The following WASL variants were observed in gnomAD, a reference collection of about 807,000 sequenced individuals.
WASL encodes actin nucleation-promoting factor WASL.
Under a neutral mutation model 55.5 loss-of-function variants are expected in WASL, and 20 were observed. The ratio of observed to expected loss-of-function variants is 0.36; its 90% confidence interval spans 0.25 to 0.52. WASL has a LOEUF of 0.52. Ranked by LOEUF, WASL falls within the 20% of genes least tolerant of loss-of-function variation. WASL has a pLI of 0.92. For missense variants in WASL, 504 were observed against 622.5 expected (o/e 0.81, Z 2.03); for synonymous variants, 249 against 217.6 (o/e 1.14, Z -1.27).
intron 7 of WASL, among the ~76,000 whole-genome samples, chr7:123,695,383 T>TA (rs1336643351): frequency 6.6e-6 from 1 of 152,140 alleles, no homozygotes; most frequent in Non-Finnish European, 1.5e-5. Context: ...AAACGCTGAT[T>TA]AATTTTTGCC....
intron 2 of WASL, among the ~76,000 whole-genome samples, chr7:123,708,389 G>A (rs1472711856): frequency 6.6e-6 from 1 of 152,060 alleles, no homozygotes; most frequent in East Asian, 1.9e-4. Flanking sequence ...TTAGTTTTTT[G>A]TAATTAAAAT....
At chr7:123,699,642 T>C (rs1352313468) in intron 5 of WASL, among the ~76,000 whole-genome samples, 2 of 152,180 alleles carry the variant, frequency 1.3e-5, no homozygotes, top group Non-Finnish European at 2.9e-5. Context: ...AATCAGCTTC[T>C]TATAACCTTG....
intron 2 of WASL, among the ~76,000 whole-genome samples, chr7:123,707,112 G>T (rs1015290679): frequency 6.6e-6 from 1 of 151,992 alleles, no homozygotes; most frequent in African/African-American, 2.4e-5. Flanking sequence ...TCAGCTACTT[G>T]GTCAAATACA....
intron 9 of WASL, among the ~76,000 whole-genome samples, chr7:123,691,998 C>A (rs2116769027): frequency 6.6e-6 from 1 of 152,194 alleles, no homozygotes; most frequent in South Asian, 2.1e-4. Flanking sequence ...CTGTAAAATT[C>A]CATTCACATG....
intron 1 of WASL, among the ~76,000 whole-genome samples, chr7:123,724,916 G>A (rs1232109647): frequency 6.6e-6 from 1 of 152,088 alleles, no homozygotes; most frequent in Non-Finnish European, 1.5e-5. Context: ...CCCAATAGAA[G>A]GAAGTGGTGA....
chr7:123,699,992 C>T (rs1250223475), intron 5 of WASL, among the ~76,000 whole-genome samples: 2 of 151,574 alleles, frequency 1.3e-5, no homozygotes, highest in Admixed American at 6.6e-5. Context: ...CTGGCTAACA[C>T]GGTGAAACCC....
chr7:123,727,135 A>G (rs1289701301), intron 1 of WASL, among the ~76,000 whole-genome samples: 1 of 152,128 alleles, frequency 6.6e-6, no homozygotes, highest in East Asian at 1.9e-4. Context: ...CTGAGATGCC[A>G]TTTCATATCC....
Position 123,704,642 on chromosome 7 carries a change from G to A in WASL, c.452C>T (p.Pro151Leu), listed in dbSNP as rs373888010. 12 of 1,504,728 alleles carry A rather than the reference G, an allele frequency of 8.0e-6. No individual in the cohort carries two copies. The African/African-American group carries it at 8.4e-5, about 11-fold the overall frequency. The allele number at this position is 1,504,728 out of a possible 1,614,324, so 93.2% of individuals were successfully genotyped here. A position where few individuals can be genotyped will look rare whatever the true frequency, so the allele number is the denominator to read the frequency against. Residue 151 changes from proline (P) to leucine (L), a missense_variant, in exon 5 of 11, where the codon CCC becomes CTC. Coordinates refer to ENST00000223023, the MANE Select transcript of WASL (RefSeq NM_003941.4). ...RQRKSEKRRDPPNGPNLPMAT... is the reference protein window; with the variant it reads ...RQRKSEKRRDLPNGPNLPMAT... ...ATTGTCAAAAAGCTTACCATTTGGG[G>A]GATCTCGTCTTTTCTCTGTTAGAAA...
chr7:123,744,797 T>C (rs1209204694), intron 1 of WASL, among the ~76,000 whole-genome samples: 1 of 152,186 alleles, frequency 6.6e-6, no homozygotes, highest in African/African-American at 2.4e-5. Flanking sequence ...TCACACTACA[T>C]GAAAGGCAAC....
rs978091510 is a variant in WASL at position 123,694,625 on chromosome 7, G to T, written c.826+90C>A. ...GACTTCAACATTCTGCTCAAGGAAGGGTTCACATGTATGAATGTTAACTGG... is the reference window on the plus strand; with the variant it reads ...GACTTCAACATTCTGCTCAAGGAAGTGTTCACATGTATGAATGTTAACTGG... On this transcript the variant is annotated intron_variant, in intron 8 of 10. Coordinates refer to ENST00000223023, the MANE Select transcript of WASL (RefSeq NM_003941.4). 8 of 1,338,116 alleles carry T rather than the reference G, an allele frequency of 6.0e-6. No homozygotes were observed. In the African/African-American group the frequency reaches 1.2e-4, roughly 21 times the overall value. 82.9% of individuals were successfully genotyped at this position (1,338,116 alleles called of 1,614,324 possible). A position where few individuals can be genotyped will look rare whatever the true frequency, so the allele number is the denominator to read the frequency against.
In WASL at chr7:123,683,801, C is replaced by T. The variant is rs1435961849; in HGVS notation, c.*718G>A. On this transcript the variant is annotated 3_prime_UTR_variant, in exon 11 of 11. Transcript: ENST00000223023. ...AAAAATTTTGCTAAAAAGAGCCTGT[C>T]ACATTTGCTACAGCATAAAAATAAC... The T allele has an allele frequency of 6.6e-6, 1 of 151,934 alleles. No homozygotes were observed. The highest frequency in any genetic ancestry group is 6.6e-5 in the Admixed American group (1 of 15,230). The allele number at this position is 151,934 out of a possible 1,614,324, so 9.4% of individuals were successfully genotyped here. A position where few individuals can be genotyped will look rare whatever the true frequency, so the allele number is the denominator to read the frequency against.
intron 1 of WASL, among the ~76,000 whole-genome samples, chr7:123,747,187 G>C (rs1442233113): frequency 6.6e-6 from 1 of 152,182 alleles, no homozygotes; most frequent in African/African-American, 2.4e-5. Flanking sequence ...GGTGTGAGGA[G>C]TCCTGGTTTT....
intron 1 of WASL, among the ~76,000 whole-genome samples, chr7:123,726,657 G>A (rs1804044259): frequency 6.6e-6 from 1 of 152,152 alleles, no homozygotes; most frequent in African/African-American, 2.4e-5. Context: ...TTGAGGTCAG[G>A]AGTTCAAGAC....
chr7:123,723,592 C>T (rs968456221), intron 1 of WASL, among the ~76,000 whole-genome samples: 2 of 152,136 alleles, frequency 1.3e-5, no homozygotes, highest in South Asian at 2.1e-4. Context: ...AGACTCATTG[C>T]CTCTCTCCAG....
chr7:123,683,485 A>G lies in WASL; in HGVS notation c.*1034T>C, dbSNP rs1474746349. The G allele has an allele frequency of 6.6e-6, 1 of 152,014 alleles. No individual in the cohort carries two copies. The highest frequency in any genetic ancestry group is 1.5e-5 in the Non-Finnish European group (1 of 67,936). The allele number at this position is 152,014 out of a possible 1,614,324, so 9.4% of individuals were successfully genotyped here. ...CACATGCTATTTGACAAAAACCCTC[A>G]AAAGTTATCCAAATCAATGCATGTT... On this transcript the variant is annotated 3_prime_UTR_variant, in exon 11 of 11. Transcript: ENST00000223023.
intron 1 of WASL, among the ~76,000 whole-genome samples, chr7:123,736,913 T>C (rs771219630): frequency 4.4e-4 from 67 of 151,988 alleles, no homozygotes; most frequent in Non-Finnish European, 7.6e-4. Flanking sequence ...AGCCAGAAAA[T>C]ATTGAAGAGT....
chr7:123,690,018 A>G (rs1803373323), intron 9 of WASL, among the ~76,000 whole-genome samples: 1 of 152,198 alleles, frequency 6.6e-6, no homozygotes, highest in African/African-American at 2.4e-5. Flanking sequence ...CCTAAGATAT[A>G]GATTCATTCC....
intron 1 of WASL, among the ~76,000 whole-genome samples, chr7:123,721,893 CTATT>C (rs1231535059): frequency 3.4e-5 from 5 of 145,068 alleles, no homozygotes; most frequent in Admixed American, 2.8e-4. Flanking sequence ...TAAATGTTCT[CTATT>C]TTTTAGAATG....
chr7:123,696,198 A>G (rs1383999511), intron 6 of WASL, among the ~76,000 whole-genome samples: 1 of 152,086 alleles, frequency 6.6e-6, no homozygotes, highest in Non-Finnish European at 1.5e-5. Context: ...AATGCATATG[A>G]AAATGCTTGA....
Sources: gnomAD v4.1 joint callset for allele counts (sites outside exome capture counted in the v4.1 genomes callset) on GRCh38, gnomAD v4.1.1 for gene constraint, MANE v1.5 for transcripts, NCBI Gene and HGNC (gene_info 2026-07-23, HGNC 2026-07-21) for gene names.